ADK: variants seen among roughly 807,000 people sequenced by gnomAD.
ADK encodes the protein N6,N6-dimethyladenosine kinase.
In ADK, 24 loss-of-function variants were observed where a neutral mutation model predicts 44.7. The observed-to-expected ratio is 0.54, with a 90% confidence interval of 0.39 to 0.76. The LOEUF (loss-of-function observed/expected upper bound fraction) is 0.76. ADK is among the 30% of genes least tolerant of loss of function. ADK has a pLI of 0.00. For missense variants in ADK, 321 were observed against 425.1 expected (o/e 0.76, Z 2.15); for synonymous variants, 128 against 142.6 (o/e 0.90, Z 0.73).
intron 4 of ADK, among the ~76,000 whole-genome samples, chr10:74,331,927 C>G (rs960726619): frequency 1.3e-5 from 2 of 152,218 alleles, no homozygotes; most frequent in African/African-American, 2.4e-5. Flanking sequence ...GATCTTGGCT[C>G]ACTGCAAACT....
At chr10:74,300,259 TTTCCTTCCTTCCTTCCTTCCTTCCTTCC>T (rs1158122190) in intron 3 of ADK, among the ~76,000 whole-genome samples, 12 of 60,908 alleles carry the variant, frequency 2.0e-4, no homozygotes, top group African/African-American at 4.4e-4. Flanking sequence ...TCTCTCCTTG[TTTCCTTCCTTCCTTCCTTCCTTCCTTCC>T]TTCCTTCCTT....
At chr10:74,461,251 T>C (rs1402605224) in intron 6 of ADK, among the ~76,000 whole-genome samples, 4 of 152,142 alleles carry the variant, frequency 2.6e-5, no homozygotes, top group African/African-American at 7.2e-5. Context: ...GCAATAAATA[T>C]AGTTCTTGCT....
intron 4 of ADK, among the ~76,000 whole-genome samples, chr10:74,359,783 G>A (rs1842270539): frequency 6.6e-6 from 1 of 152,072 alleles, no homozygotes; most frequent in African/African-American, 2.4e-5. Context: ...CAAAACATGG[G>A]ATGTCTTTTT....
At chr10:74,558,026 G>A (rs528067630) in intron 7 of ADK, among the ~76,000 whole-genome samples, 1 of 152,122 alleles carries the variant, frequency 6.6e-6, no homozygotes, top group Non-Finnish European at 1.5e-5. Flanking sequence ...AGCAAGCCAC[G>A]ATGCACTGGG....
chr10:74,383,449 A>G lies in ADK; in HGVS notation c.274-10692A>G, dbSNP rs554380499. On this transcript the variant is annotated intron_variant, in intron 4 of 10. Transcript: ENST00000539909. The stretch of plus-strand genomic sequence containing the variant: ...CTCTTTCTCGGCCTCTCTGCCATTC[A>G]TCTTCTTCTGAAAATTAGCTATCCC... Among the ~76,000 whole-genome samples, 21 of 149,084 alleles carry G rather than the reference A, an allele frequency of 1.4e-4. 2 individuals carry two copies. The highest frequency in any genetic ancestry group is 4.9e-4 in the African/African-American group (20 of 41,016).
At chr10:74,531,831 C>G (rs1325801952) in intron 7 of ADK, among the ~76,000 whole-genome samples, 1 of 152,148 alleles carries the variant, frequency 6.6e-6, no homozygotes, top group Non-Finnish European at 1.5e-5. Context: ...CTGCACTTGG[C>G]AGTGTTGAAT....
At chr10:74,356,841 A>G (rs1259410344) in intron 4 of ADK, among the ~76,000 whole-genome samples, 1 of 152,204 alleles carries the variant, frequency 6.6e-6, no homozygotes, top group East Asian at 1.9e-4. Context: ...AGGCATTTAC[A>G]GTGCCAATTG....
intron 3 of ADK, among the ~76,000 whole-genome samples, chr10:74,279,943 A>C (rs1846857913): frequency 6.6e-6 from 1 of 151,966 alleles, no homozygotes; most frequent in Admixed American, 6.6e-5. Context: ...GAGGAGGATC[A>C]CTTGAGCCCA....
chr10:74,516,107 C>T (rs1187465593), intron 6 of ADK, among the ~76,000 whole-genome samples: 1 of 152,146 alleles, frequency 6.6e-6, no homozygotes, highest in East Asian at 1.9e-4. Context: ...GTCAGTGCGT[C>T]TGCATGAATT....
intron 9 of ADK, chr10:74,661,216 A>G: frequency 1.6e-6 from 1 of 621,868 alleles, no homozygotes; most frequent in Non-Finnish European, 2.0e-6. Flanking sequence ...GCTTAAGGGA[A>G]TTTAAATGTC....
At chr10:74,441,874 A>G (rs1167277668) in intron 6 of ADK, among the ~76,000 whole-genome samples, 1 of 152,202 alleles carries the variant, frequency 6.6e-6, no homozygotes, top group Non-Finnish European at 1.5e-5. Context: ...AGAAAACCCG[A>G]TTAAAAAATG....
intron 6 of ADK, among the ~76,000 whole-genome samples, chr10:74,412,504 G>A (rs184463419): frequency 6.6e-6 from 1 of 152,196 alleles, no homozygotes; most frequent in Non-Finnish European, 1.5e-5. Flanking sequence ...AATTTACTCT[G>A]CCCAAACCCA....
chr10:74,590,437 A>C (rs1221967382), intron 8 of ADK, among the ~76,000 whole-genome samples: 2 of 152,168 alleles, frequency 1.3e-5, no homozygotes, highest in Non-Finnish European at 2.9e-5. Flanking sequence ...GCAGCAAAGT[A>C]ATACATGTTC....
At chr10:74,400,624 C>T (rs1444714742) in intron 6 of ADK, among the ~76,000 whole-genome samples, 1 of 152,084 alleles carries the variant, frequency 6.6e-6, no homozygotes, top group Non-Finnish European at 1.5e-5. Context: ...AGTGGGCTGC[C>T]CCATACTTTC....
intron 10 of ADK, among the ~76,000 whole-genome samples, chr10:74,683,122 A>G (rs1441544691): frequency 6.6e-6 from 1 of 152,210 alleles, no homozygotes; most frequent in Non-Finnish European, 1.5e-5. Flanking sequence ...CAGCAGGGGG[A>G]AACCATTACT....
At chr10:74,433,698 T>C (rs1235352503) in intron 6 of ADK, among the ~76,000 whole-genome samples, 1 of 152,228 alleles carries the variant, frequency 6.6e-6, no homozygotes, top group Non-Finnish European at 1.5e-5. Context: ...AGTCATTCAG[T>C]AACTATTTAC....
At chr10:74,179,978 T>G (rs370587749) in intron 1 of ADK, among the ~76,000 whole-genome samples, 1 of 152,274 alleles carries the variant, frequency 6.6e-6, no homozygotes, top group East Asian at 1.9e-4. Flanking sequence ...ATTGACCCCC[T>G]TTTACTGATA....
intron 9 of ADK, among the ~76,000 whole-genome samples, chr10:74,645,414 T>C (rs1405691333): frequency 6.6e-6 from 1 of 152,162 alleles, no homozygotes; most frequent in South Asian, 2.1e-4. Context: ...AAGTGCAATA[T>C]TGAACAACAT....
intron 3 of ADK, among the ~76,000 whole-genome samples, chr10:74,239,715 C>CAAAAAAAAAAAA (rs61022417): frequency 3.5e-5 from 3 of 85,052 alleles, no homozygotes; most frequent in Non-Finnish European, 6.6e-5. Flanking sequence ...GACCTTGTCT[C>CAAAAAAAAAAAA]AAAAAAAAAA....
Sources: gnomAD v4.1 joint callset for allele counts (sites outside exome capture counted in the v4.1 genomes callset) on GRCh38, gnomAD v4.1.1 for gene constraint, MANE v1.5 for transcripts, NCBI Gene and HGNC (gene_info 2026-07-23, HGNC 2026-07-21) for gene names.